Variants in PTPRD observed in about 807,000 individuals in gnomAD.
PTPRD encodes receptor-type tyrosine-protein phosphatase delta.
A neutral mutation model predicts 214.5 loss-of-function variants in PTPRD; 34 were observed. The observed-to-expected ratio is 0.16, with a 90% CI of 0.12 to 0.21. The LOEUF (loss-of-function observed/expected upper bound fraction) is 0.21. Ranked by LOEUF, PTPRD falls within the 10% of genes least tolerant of loss-of-function variation. The probability of loss-of-function intolerance (pLI) is 1.00; values close to 1 mark genes in which losing one functional copy is unlikely to be tolerated. For synonymous variants in PTPRD, 1,128 were observed against 845.7 expected, an observed-to-expected ratio of 1.33 and a Z score of -5.79; for missense variants, 2,545 against 2,398.7, an observed-to-expected ratio of 1.06 and a Z score of -1.27.
chr9:8,389,366 C>T lies in PTPRD; in HGVS notation c.4252G>A (p.Gly1418Arg), dbSNP rs2135663215. 1 of 1,611,846 alleles carries T rather than the reference C, an allele frequency of 6.2e-7. No individual in the cohort carries two copies. Among genetic ancestry groups the T allele is most frequent in the Non-Finnish European group, 8.5e-7 (1 of 1,178,920 alleles). The change falls in exon 37 of 46, where the codon GGG becomes AGG. Residue 1418 changes from glycine to arginine, a missense_variant. By Grantham distance (125) the Gly-to-Arg change is moderately radical. Coordinates refer to ENST00000381196, the MANE Select transcript of PTPRD (RefSeq NM_002839.4). Reference protein sequence around the residue: ...SDYVNANYIDGYRKQNAYIAT... With the variant: ...SDYVNANYIDRYRKQNAYIAT... ...ATATAGGCATTTTGCTTCCTATACC[C>T]ATCTATGTAGTTGGCATTCACATAG...
chr9:10,305,380 T>A (rs1018002000), intron 3 of PTPRD, among the ~76,000 whole-genome samples: 1 of 64,528 alleles, frequency 1.5e-5, no homozygotes, highest in Non-Finnish European at 2.9e-5. Context: ...CCAAAAGCAA[T>A]GGCAAAAAAA....
At chr9:10,314,620 G>T (rs1237318418) in intron 3 of PTPRD, among the ~76,000 whole-genome samples, 3 of 151,856 alleles carry the variant, frequency 2.0e-5, no homozygotes, top group Non-Finnish European at 2.9e-5. Flanking sequence ...AGTTTTCATT[G>T]TGTCAGTGAG....
At chr9:8,850,047 G>C (rs563606027) in intron 11 of PTPRD, among the ~76,000 whole-genome samples, 3 of 152,244 alleles carry the variant, frequency 2.0e-5, no homozygotes, top group African/African-American at 7.2e-5. Flanking sequence ...GAAGAAAAGA[G>C]ATAGGGATGA....
chr9:9,197,134 G>A (rs1484083456), intron 9 of PTPRD, among the ~76,000 whole-genome samples: 1 of 152,114 alleles, frequency 6.6e-6, no homozygotes, highest in African/African-American at 2.4e-5. Flanking sequence ...TTCTGAATAA[G>A]ATTACAGTAC....
intron 10 of PTPRD, among the ~76,000 whole-genome samples, chr9:9,076,311 A>G (rs1345941558): frequency 2.0e-5 from 3 of 151,960 alleles, no homozygotes; most frequent in African/African-American, 7.2e-5. Context: ...AGACGGGGAG[A>G]TTGCAAAAAT....
chr9:10,391,813 C>T (rs1324105579), intron 2 of PTPRD, among the ~76,000 whole-genome samples: 1 of 151,798 alleles, frequency 6.6e-6, no homozygotes, highest in Non-Finnish European at 1.5e-5. Flanking sequence ...TATCCAGATC[C>T]TTACTGTGAA....
intron 2 of PTPRD, among the ~76,000 whole-genome samples, chr9:10,521,853 G>C (rs888776687): frequency 6.6e-6 from 1 of 152,164 alleles, no homozygotes; most frequent in Non-Finnish European, 1.5e-5. Context: ...ATAGGCTACA[G>C]TATAGTTTAG....
intron 7 of PTPRD, among the ~76,000 whole-genome samples, chr9:9,660,199 C>T (rs1300082084): frequency 6.6e-6 from 1 of 151,922 alleles, no homozygotes; most frequent in Admixed American, 6.6e-5. Flanking sequence ...AAAGAAACAC[C>T]TGGGCATATA....
chr9:8,470,829 T>G (rs1240408463), intron 31 of PTPRD, among the ~76,000 whole-genome samples, 166 bp downstream of exon 31: 2 of 152,122 alleles, frequency 1.3e-5, no homozygotes, highest in African/African-American at 2.4e-5. Context: ...GGATCTTTGT[T>G]GGGATCCCCA....
At chr9:9,569,860 G>C (rs1372186969) in intron 8 of PTPRD, among the ~76,000 whole-genome samples, 1 of 151,524 alleles carries the variant, frequency 6.6e-6, no homozygotes, top group Non-Finnish European at 1.5e-5. Context: ...GAGCTAGCCA[G>C]ATAGGAATAA....
At chr9:9,488,041 C>T (rs1471997768) in intron 8 of PTPRD, among the ~76,000 whole-genome samples, 1 of 152,034 alleles carries the variant, frequency 6.6e-6, no homozygotes, top group Admixed American at 6.6e-5. Context: ...GTAGACTTTC[C>T]TGGATTGTTA....
At chr9:8,941,818 G>A (rs1490528844) in intron 11 of PTPRD, among the ~76,000 whole-genome samples, 1 of 136,802 alleles carries the variant, frequency 7.3e-6, no homozygotes, top group Non-Finnish European at 1.6e-5. Context: ...TTGTTTGTTT[G>A]TTTTGAGATG....
chr9:9,937,385 A>AT (rs2089923459), intron 5 of PTPRD, among the ~76,000 whole-genome samples: 1 of 150,676 alleles, frequency 6.6e-6, no homozygotes, highest in Non-Finnish European at 1.5e-5. Flanking sequence ...TGTCAGAAGT[A>AT]TTTTTTCTCA....
chr9:8,431,302 C>T (rs557521341), intron 35 of PTPRD, among the ~76,000 whole-genome samples: 1 of 152,106 alleles, frequency 6.6e-6, no homozygotes, highest in East Asian at 1.9e-4. Flanking sequence ...AAAGAAGACG[C>T]TGGCTTGTAT....
At chr9:10,608,683 C>T (rs1048483739) in intron 2 of PTPRD, among the ~76,000 whole-genome samples, 17 of 152,256 alleles carry the variant, frequency 1.1e-4, no homozygotes, top group African/African-American at 4.1e-4. Context: ...TCCTTAGGGT[C>T]ACACTTCCAA....
At chr9:10,393,342 A>G (rs1018881600) in intron 2 of PTPRD, among the ~76,000 whole-genome samples, 3 of 151,848 alleles carry the variant, frequency 2.0e-5, no homozygotes, top group South Asian at 2.1e-4. Flanking sequence ...CAAAGAGAGC[A>G]GAAGCTATGT....
chr9:9,545,997 TC>T (rs1478480287), intron 8 of PTPRD, among the ~76,000 whole-genome samples: 1 of 151,954 alleles, frequency 6.6e-6, no homozygotes, highest in African/African-American at 2.4e-5. Context: ...ATAGATCTTG[TC>T]CATATTTTGT....
chr9:8,544,720 G>T (rs1421985853), intron 14 of PTPRD, among the ~76,000 whole-genome samples: 1 of 144,126 alleles, frequency 6.9e-6, no homozygotes, highest in African/African-American at 2.6e-5. Flanking sequence ...ACCCACCATT[G>T]TCGGCCTCCC....
At chr9:10,310,345 C>T (rs75979116) in intron 3 of PTPRD, among the ~76,000 whole-genome samples, 2 of 152,026 alleles carry the variant, frequency 1.3e-5, no homozygotes, top group South Asian at 2.1e-4. Flanking sequence ...CCCCTGCCAA[C>T]TGATACAAAA....
Sources: allele counts gnomAD v4.1 joint callset (sites outside exome capture counted in the v4.1 genomes callset), GRCh38; gene constraint gnomAD v4.1.1; transcripts MANE v1.5; gene names NCBI Gene and HGNC (gene_info 2026-07-23, HGNC 2026-07-21).